Variants in KMT5B observed in about 807,000 individuals in gnomAD.
KMT5B encodes histone-lysine N-methyltransferase KMT5B.
Under a neutral mutation model 83.2 loss-of-function variants are expected in KMT5B, and 10 were observed. That is an observed-to-expected ratio of 0.12 (90% CI 0.07 to 0.20). The LOEUF (loss-of-function observed/expected upper bound fraction) is 0.20. Ranked by LOEUF, KMT5B falls within the 10% of genes least tolerant of loss-of-function variation. The pLI, the probability that KMT5B is intolerant of heterozygous loss-of-function variation, is 1.00. For synonymous variants in KMT5B, 349 were observed against 388.8 expected (o/e 0.90, Z 1.20); for missense variants, 753 against 1,067.2 (o/e 0.71, Z 4.10).
chr11:68,159,116 T>A lies in KMT5B; in HGVS notation c.1230A>T (p.Leu410Phe). ...GAATTCTTGACATAGATTGCCTCGT[T>A]AACGTTCTGCTCTTGCTATTCTTTT... ...GVKKNSKSRTLTRQSMSRIPA... is the reference protein window; with the variant it reads ...GVKKNSKSRTFTRQSMSRIPA... Residue 410 changes from leucine (L) to phenylalanine (F), a missense_variant, in exon 11 of 11, where the codon TTA (leucine) becomes TTT (phenylalanine). Physicochemically the swap from Leu to Phe is conservative, Grantham distance 22. This residue lies in a region of KMT5B where 397 missense variants were observed against 395.9 expected (regional missense o/e 1.00). Transcript: ENST00000304363. 2.5e-6 allele frequency: 4 copies of A among 1,599,276 alleles called. No individual in the cohort carries two copies. The highest frequency in any genetic ancestry group is 1.7e-4 in the Middle Eastern group (1 of 5,966).
chr11:68,165,824 C>G lies in KMT5B; in HGVS notation c.1174+1158G>C, dbSNP rs765314880. ...AACGAAAAAGACTGGAATAGGGCTACAGCGCTGCTTTTATGCTACACGGGT... is the reference window on the plus strand; with the variant it reads ...AACGAAAAAGACTGGAATAGGGCTAGAGCGCTGCTTTTATGCTACACGGGT... On this transcript the variant is annotated intron_variant, in intron 10 of 10. Transcript: ENST00000304363. 3 of 1,609,126 alleles carry G rather than the reference C, an allele frequency of 1.9e-6. No homozygotes were observed. The Admixed American group carries it at 5.0e-5, about 27-fold the overall frequency.
chr11:68,191,435 A>G (rs1481104871), intron 1 of KMT5B, among the ~76,000 whole-genome samples: 1 of 152,034 alleles, frequency 6.6e-6, no homozygotes, highest in East Asian at 1.9e-4. Context: ...CCAGGTTCAA[A>G]TGATTCTCCT....
chr11:68,157,241 C>A lies in KMT5B; in HGVS notation c.*447G>T, dbSNP rs554506955. The A allele has an allele frequency of 6.5e-6, 1 of 152,934 alleles. No individual in the cohort carries two copies. The highest frequency in any genetic ancestry group is 1.9e-4 in the East Asian group (1 of 5,188). 9.5% of individuals were successfully genotyped at this position (152,934 alleles called of 1,614,324 possible). A position where few individuals can be genotyped will look rare whatever the true frequency, so the allele number is the denominator to read the frequency against. On this transcript the variant is annotated 3_prime_UTR_variant, in exon 11 of 11. Coordinates refer to ENST00000304363, the MANE Select transcript of KMT5B (RefSeq NM_017635.5). The stretch of plus-strand genomic sequence containing the variant: ...AACATCTAGCAAATAAATCAAAAAG[C>A]CAAAGATCATTGCTGGTGATATTAG...
At chr11:68,161,389 C>T (rs2153042799) in intron 10 of KMT5B, among the ~76,000 whole-genome samples, 1 of 152,262 alleles carries the variant, frequency 6.6e-6, no homozygotes, top group Non-Finnish European at 1.5e-5. Flanking sequence ...TGATCCTTTG[C>T]TCATTCTATG....
chr11:68,192,193 G>A (rs1245159136), intron 1 of KMT5B, among the ~76,000 whole-genome samples: 1 of 152,180 alleles, frequency 6.6e-6, no homozygotes, highest in East Asian at 1.9e-4. Flanking sequence ...CACACTCTAT[G>A]AGTGCACTCT....
chr11:68,156,815 A>G lies in KMT5B; in HGVS notation c.*873T>C, dbSNP rs1859327712. The G allele has an allele frequency of 6.6e-6, 1 of 152,634 alleles. No homozygotes were observed. The highest frequency in any genetic ancestry group is 2.4e-5 in the African/African-American group (1 of 41,446). The allele number at this position is 152,634 out of a possible 1,614,324, so 9.5% of individuals were successfully genotyped here. A position where few individuals can be genotyped will look rare whatever the true frequency, so the allele number is the denominator to read the frequency against. On this transcript the variant is annotated 3_prime_UTR_variant, in exon 11 of 11. Transcript: ENST00000304363. ...TTTTTAATATTCCTTGTAGCATTTT[A>G]CAAGTGCAACAGAAAACTTGAAGAA...
chr11:68,170,534 A>G (rs117262183), intron 9 of KMT5B, among the ~76,000 whole-genome samples: 1 of 152,350 alleles, frequency 6.6e-6, no homozygotes, highest in East Asian at 1.9e-4. Context: ...TAAAGACTCC[A>G]GGACTCTTGA....
chr11:68,170,420 C>A (rs536417664), intron 9 of KMT5B, among the ~76,000 whole-genome samples: 2 of 152,252 alleles, frequency 1.3e-5, no homozygotes, highest in East Asian at 3.9e-4. Context: ...CCCTTGCCTG[C>A]CTGAGCCTGT....
At chr11:68,206,487 T>A (rs1860128295) in intron 1 of KMT5B, among the ~76,000 whole-genome samples, 1 of 152,178 alleles carries the variant, frequency 6.6e-6, no homozygotes, top group South Asian at 2.1e-4. Flanking sequence ...CTGGTGGGCT[T>A]TGCAGAGGCA....
At chr11:68,206,096 T>C (rs1227597615) in intron 1 of KMT5B, among the ~76,000 whole-genome samples, 1 of 152,196 alleles carries the variant, frequency 6.6e-6, no homozygotes, top group African/African-American at 2.4e-5. Context: ...ATCTCAGTAG[T>C]TATTTTAAAA....
chr11:68,207,233 T>C (rs1039726236), intron 1 of KMT5B, among the ~76,000 whole-genome samples: 1 of 149,816 alleles, frequency 6.7e-6, no homozygotes, highest in Middle Eastern at 3.2e-3. Context: ...AAAAAAATCA[T>C]GCCAAGCTAC....
chr11:68,170,873 T>C (rs1424126217), intron 9 of KMT5B, 142 bp downstream of exon 9: 2 of 830,406 alleles, frequency 2.4e-6, no homozygotes, highest in South Asian at 2.1e-5. Context: ...ACTTTGTTCA[T>C]ACACACTGCA....
At chr11:68,160,777 T>C (rs954384631) in intron 10 of KMT5B, among the ~76,000 whole-genome samples, 1 of 152,090 alleles carries the variant, frequency 6.6e-6, no homozygotes, top group Non-Finnish European at 1.5e-5. Flanking sequence ...TGAAACCCTG[T>C]CTCTACTAAA....
At chr11:68,165,750 C>T in intron 10 of KMT5B, 1 of 1,454,210 alleles carries the variant, frequency 6.9e-7, no homozygotes, top group Non-Finnish European at 9.1e-7. Flanking sequence ...TGAGAATCAA[C>T]AGTCAACAGT....
Position 68,159,111 on chromosome 11 carries a change from C to A in KMT5B, c.1235G>T (p.Arg412Met). 6.2e-7 allele frequency: 1 copy of A among 1,600,944 alleles called. No homozygotes were observed. Among genetic ancestry groups the A allele is most frequent in the Non-Finnish European group, 8.5e-7 (1 of 1,176,926 alleles). The change falls in exon 11 of 11, where the codon AGG becomes ATG. Residue 412 changes from arginine (R) to methionine (M), a missense_variant. Transcript: ENST00000304363. ...KKNSKSRTLT[R>M]QSMSRIPASS... ...AGCTGGAATTCTTGACATAGATTGC[C>A]TCGTTAACGTTCTGCTCTTGCTATT...
chr11:68,170,233 T>C (rs1590951815), intron 9 of KMT5B, among the ~76,000 whole-genome samples: 3 of 152,222 alleles, frequency 2.0e-5, no homozygotes, highest in Admixed American at 1.3e-4. Context: ...CTGATACTTA[T>C]GTTCTGGTAC....
At chr11:68,208,339 C>T (rs1198125199) in intron 1 of KMT5B, among the ~76,000 whole-genome samples, 1 of 150,302 alleles carries the variant, frequency 6.7e-6, no homozygotes, top group Non-Finnish European at 1.5e-5. Flanking sequence ...CCCAGCTACT[C>T]GGGAGGCTGA....
intron 1 of KMT5B, among the ~76,000 whole-genome samples, chr11:68,198,548 CT>C (rs1362557500): frequency 6.6e-6 from 1 of 152,200 alleles, no homozygotes; most frequent in Non-Finnish European, 1.5e-5. Context: ...GAGGTGCCCC[CT>C]CCCAACAAAC....
At chr11:68,191,065 T>C (rs2153073390) in intron 1 of KMT5B, among the ~76,000 whole-genome samples, 1 of 152,068 alleles carries the variant, frequency 6.6e-6, no homozygotes, top group East Asian at 1.9e-4. Context: ...GGTGTGATTA[T>C]GGCTCACTGC....
Sources: allele counts gnomAD v4.1 joint callset (sites outside exome capture counted in the v4.1 genomes callset), GRCh38; gene constraint gnomAD v4.1.1; regional missense constraint gnomAD v4.1.1; transcripts MANE v1.5; gene names NCBI Gene and HGNC (gene_info 2026-07-23, HGNC 2026-07-21).